Variants in UQCC1 observed in about 807,000 individuals in gnomAD.
The protein encoded by UQCC1 is ubiquinol-cytochrome c reductase complex assembly factor 1, also known as bFGF-repressed Zic-binding protein.
A neutral mutation model predicts 48.0 loss-of-function variants in UQCC1; 38 were observed. That is an observed-to-expected ratio of 0.79 (90% CI 0.61 to 1.04). The LOEUF (loss-of-function observed/expected upper bound fraction) is 1.04. Among genes scored for constraint, UQCC1 ranks in the 50% least tolerant of loss-of-function variants. UQCC1 has a pLI of 0.00. For synonymous variants in UQCC1, 111 were observed against 129.2 expected (o/e 0.86, Z 0.95); for missense variants, 368 against 381.8 (o/e 0.96, Z 0.30).
rs138100238 is a variant in UQCC1, at chr20:35,365,513, T to A, written c.464+1044A>T. ...CTACTAAAAATACAAAAAAATCATA[T>A]GGGCGTGGTGGTGGGCTCCTGTAAT... On this transcript the variant is annotated intron_variant, in intron 6 of 9. Transcript: ENST00000374385. Among the ~76,000 whole-genome samples the A allele has an allele frequency of 1.6e-3, 244 of 151,946 alleles. 1 individual carries two copies. Among genetic ancestry groups the A allele is most frequent in the African/African-American group, 5.0e-3 (208 of 41,446 alleles).
At chr20:35,370,612 G>A (rs1247014357) in intron 5 of UQCC1, among the ~76,000 whole-genome samples, 2 of 150,974 alleles carry the variant, frequency 1.3e-5, no homozygotes, top group Non-Finnish European at 3.0e-5. Flanking sequence ...TTCTCAAATT[G>A]AGTCTCAGAA....
intron 1 of UQCC1, among the ~76,000 whole-genome samples, chr20:35,407,110 GA>G (rs2062263103): frequency 6.6e-6 from 1 of 152,196 alleles, no homozygotes; most frequent in South Asian, 2.1e-4. Context: ...ATTTTGCAAT[GA>G]TTTCTTGGAC....
At chr20:35,404,081 C>T (rs1009755495) in intron 1 of UQCC1, among the ~76,000 whole-genome samples, 2 of 150,336 alleles carry the variant, frequency 1.3e-5, no homozygotes, top group African/African-American at 4.8e-5. Flanking sequence ...ACTAAAAATA[C>T]AAAAAATTAG....
In UQCC1 at chr20:35,320,473, T is replaced by C. The variant is rs144514909; in HGVS notation, c.574-5708A>G. Among the ~76,000 whole-genome samples, 15 of 152,126 alleles carry C rather than the reference T, an allele frequency of 9.9e-5. No homozygotes were observed. In the East Asian group the frequency reaches 2.9e-3, roughly 29 times the overall value. On this transcript the variant is annotated intron_variant, in intron 7 of 9. Coordinates refer to ENST00000374385, the MANE Select transcript of UQCC1 (RefSeq NM_018244.5). ...TGCCTACCTGTGTTGGAATAGACAC[T>C]GGAAGGAATGTAGCTGCCCCTTCCT... is the stretch of plus-strand genomic sequence containing the variant.
chr20:35,346,467 AC>A (rs2061432605), intron 7 of UQCC1: 1 of 166,164 alleles, frequency 6.0e-6, no homozygotes. Context: ...AAGAGCTGTA[AC>A]ACTCACAGCG....
At chr20:35,408,693 A>C (rs1395378399) in intron 1 of UQCC1, among the ~76,000 whole-genome samples, 1 of 151,708 alleles carries the variant, frequency 6.6e-6, no homozygotes, top group African/African-American at 2.4e-5. Context: ...CTCTACAAAA[A>C]AGAAAAAAAA....
chr20:35,326,764 GCACTA>G (rs2061199906), intron 7 of UQCC1, among the ~76,000 whole-genome samples: 1 of 152,162 alleles, frequency 6.6e-6, no homozygotes, highest in African/African-American at 2.4e-5. Flanking sequence ...AAAGCTGCAG[GCACTA>G]CTTGGCTTTT....
Position 35,348,605 on chromosome 20 carries a change from T to C in UQCC1, c.465-1333A>G, listed in dbSNP as rs538161268. The stretch of plus-strand genomic sequence containing the variant: ...TGGGGTTTCACTGTGTTAGCCAGGA[T>C]GGTCTCAATCTCCTGACCTGTGATC... On this transcript the variant is annotated intron_variant, in intron 6 of 9. Coordinates refer to ENST00000374385, the MANE Select transcript of UQCC1 (RefSeq NM_018244.5). 5.3e-5 allele frequency among the ~76,000 whole-genome samples: 8 copies of C among 152,216 alleles called. No individual in the cohort carries two copies. In the South Asian group the frequency reaches 1.7e-3, roughly 32 times the overall value.
chr20:35,303,936 CA>C lies in UQCC1; in HGVS notation c.898del (p.Ter300AspfsTer34). 1 of 1,614,192 alleles carries C rather than the reference CA, an allele frequency of 6.2e-7. No homozygotes were observed. Among genetic ancestry groups the C allele is most frequent in the Admixed American group, 1.7e-5 (1 of 60,026 alleles). Reference sequence around the variant, plus strand: ...GGGCCGTGCGGAGGGCCCAGCCCATCAAAGTCCCTCGTCGTTGTAAGTCGGA... The same window carrying C: ...GGGCCGTGCGGAGGGCCCAGCCCATCAAGTCCCTCGTCGTTGTAAGTCGGA... ...HSPTYNDEGL[*>X] On this transcript the variant is annotated frameshift_variant and stop_lost, in exon 10 of 10. Transcript: ENST00000374385. LOFTEE classifies it high-confidence loss of function.
intron 7 of UQCC1, among the ~76,000 whole-genome samples, chr20:35,315,938 T>C (rs932963342): frequency 1.3e-5 from 2 of 152,128 alleles, no homozygotes; most frequent in Admixed American, 1.3e-4. Context: ...GGTGAGATGG[T>C]TGAGAGCCCA....
intron 7 of UQCC1, among the ~76,000 whole-genome samples, chr20:35,316,640 T>C (rs760178050): frequency 2.6e-5 from 4 of 152,126 alleles, no homozygotes; most frequent in Non-Finnish European, 4.4e-5. Flanking sequence ...CCTGAGTCCA[T>C]TTCCTTTTTC....
chr20:35,356,168 C>T (rs963159813), intron 6 of UQCC1, among the ~76,000 whole-genome samples: 2 of 152,170 alleles, frequency 1.3e-5, no homozygotes, highest in African/African-American at 2.4e-5. Flanking sequence ...GGATTATAGG[C>T]GTGAGCCACC....
At chr20:35,362,413 G>A (rs1426897518) in intron 6 of UQCC1, among the ~76,000 whole-genome samples, 1 of 152,110 alleles carries the variant, frequency 6.6e-6, no homozygotes, top group African/African-American at 2.4e-5. Flanking sequence ...GCCGGAGTGC[G>A]TGGCGCCATC....
intron 3 of UQCC1, among the ~76,000 whole-genome samples, chr20:35,383,355 T>C (rs1033249727): frequency 1.3e-5 from 2 of 152,212 alleles, no homozygotes; most frequent in African/African-American, 4.8e-5. Flanking sequence ...TCTTAAGTGT[T>C]TTCCAGACAC....
intron 6 of UQCC1, among the ~76,000 whole-genome samples, chr20:35,353,267 C>T (rs1024084855): frequency 1.3e-5 from 2 of 151,504 alleles, no homozygotes; most frequent in Admixed American, 6.6e-5. Flanking sequence ...CATGGTGGCG[C>T]GTGCCTGTAG....
intron 1 of UQCC1, among the ~76,000 whole-genome samples, chr20:35,396,499 C>A (rs182424238): frequency 1.3e-5 from 2 of 152,082 alleles, no homozygotes; most frequent in East Asian, 3.9e-4. Context: ...TAAACACTGA[C>A]TTACTTACCT....
At chr20:35,329,768 GAA>G (rs1207732834) in intron 7 of UQCC1, among the ~76,000 whole-genome samples, 1 of 152,204 alleles carries the variant, frequency 6.6e-6, no homozygotes, top group Non-Finnish European at 1.5e-5. Flanking sequence ...GCCCACAGGA[GAA>G]AAGAGTCTTG....
At chr20:35,361,568 T>A (rs2061605499) in intron 6 of UQCC1, among the ~76,000 whole-genome samples, 1 of 152,344 alleles carries the variant, frequency 6.6e-6, no homozygotes, top group East Asian at 1.9e-4. Flanking sequence ...TATGTTTAAG[T>A]AGGTACTTTA....
At chr20:35,309,417 A>G (rs2060965571) in intron 8 of UQCC1, among the ~76,000 whole-genome samples, 1 of 151,804 alleles carries the variant, frequency 6.6e-6, no homozygotes, top group Non-Finnish European at 1.5e-5. Flanking sequence ...TGGGCAACAG[A>G]GTGAGACCCT....
Sources: gnomAD v4.1 joint callset for allele counts (sites outside exome capture counted in the v4.1 genomes callset) on GRCh38, gnomAD v4.1.1 for gene constraint, MANE v1.5 for transcripts, NCBI Gene and HGNC (gene_info 2026-07-23, HGNC 2026-07-21) for gene names.